Variants in MXI1 observed in about 807,000 individuals in gnomAD.
MXI1 encodes max-interacting protein 1.
Under a neutral mutation model 36.9 loss-of-function variants are expected in MXI1, and 18 were observed. The ratio of observed to expected loss-of-function variants is 0.49; its 90% CI spans 0.34 to 0.72. MXI1 has a LOEUF of 0.72. Ranked by LOEUF, MXI1 falls within the 30% of genes least tolerant of loss-of-function variation. MXI1 has a pLI of 0.01. For synonymous variants in MXI1, 160 were observed against 146.7 expected (o/e 1.09, Z -0.65); for missense variants, 304 against 379.1 (o/e 0.80, Z 1.64).
At chr10:110,253,129 TTTTTAC>T (rs1856158739) in intron 3 of MXI1, among the ~76,000 whole-genome samples, 1 of 152,128 alleles carries the variant, frequency 6.6e-6, no homozygotes, top group Middle Eastern at 3.2e-3. Context: ...ATGGTAAGCA[TTTTTAC>T]AAGGAAAAGA....
intron 1 of MXI1, among the ~76,000 whole-genome samples, chr10:110,219,993 G>C (rs7911398): frequency 0.045 from 6,922 of 152,260 alleles, 444 homozygotes; most frequent in East Asian, 0.28. Flanking sequence ...CAGTCATTGT[G>C]ACAATAAAAA....
intron 4 of MXI1, among the ~76,000 whole-genome samples, chr10:110,279,691 A>G (rs538169986): frequency 6.6e-6 from 1 of 152,368 alleles, no homozygotes; most frequent in East Asian, 1.9e-4. Context: ...CAAGTAACAT[A>G]GCATTCATTA....
chr10:110,278,290 A>T (rs1857107512), intron 3 of MXI1, among the ~76,000 whole-genome samples: 1 of 152,146 alleles, frequency 6.6e-6, no homozygotes, highest in Non-Finnish European at 1.5e-5. Context: ...TTTCTAGGAG[A>T]AATTTCCCTC....
intron 3 of MXI1, among the ~76,000 whole-genome samples, chr10:110,278,231 G>A (rs544597363): frequency 1.9e-4 from 29 of 152,316 alleles, no homozygotes; most frequent in African/African-American, 7.0e-4. Flanking sequence ...CATGATCATA[G>A]TTCTTTTAGG....
At chr10:110,277,727 A>C (rs1453891969) in intron 3 of MXI1, among the ~76,000 whole-genome samples, 2 of 152,212 alleles carry the variant, frequency 1.3e-5, no homozygotes, top group Non-Finnish European at 2.9e-5. Flanking sequence ...AAGAAATTTG[A>C]AATGGAAATA....
chr10:110,260,416 GGTGTGTGTGTGTGTGTGTGTGT>G (rs151334728), intron 3 of MXI1, among the ~76,000 whole-genome samples: 6 of 144,664 alleles, frequency 4.1e-5, no homozygotes, highest in East Asian at 2.0e-4. Context: ...CCTTGATACA[GGTGTGTGTGTGTGTGTGTGTGT>G]GTGTGTGTGT....
intron 1 of MXI1, chr10:110,227,253 G>T: frequency 1.3e-6 from 1 of 789,400 alleles, no homozygotes; most frequent in Non-Finnish European, 1.5e-6. Flanking sequence ...GGGGAGGGGC[G>T]TGTGCGGGAA....
intron 1 of MXI1, among the ~76,000 whole-genome samples, chr10:110,212,839 C>T (rs749368897): frequency 1.3e-5 from 2 of 152,172 alleles, no homozygotes; most frequent in Non-Finnish European, 1.5e-5. Context: ...TAATCAGTAC[C>T]ATGCACTTCT....
Position 110,211,298 on chromosome 10 carries a change from G to A in MXI1, c.274+3216G>A, listed in dbSNP as rs543001331. ...CCTAGCTGCGTCGTTCAGCCAATCG[G>A]CAGCTCCAGCCTCTTCTGACGTCAC... On this transcript the variant is annotated intron_variant, in intron 1 of 5. Coordinates refer to ENST00000332674, the MANE Select transcript of MXI1 (RefSeq NM_130439.3). Among the ~76,000 whole-genome samples the A allele has an allele frequency of 9.9e-5, 15 of 152,272 alleles. No individual in the cohort carries two copies. In the East Asian group the frequency reaches 2.7e-3, roughly 27 times the overall value.
rs187608792 is a variant in MXI1 at position 110,265,671 on chromosome 10, G to C, written c.438-13509G>C. 2.0e-5 allele frequency among the ~76,000 whole-genome samples: 3 copies of C among 152,312 alleles called. No individual in the cohort carries two copies. In the East Asian group the frequency reaches 5.8e-4, roughly 29 times the overall value. Reference sequence around the variant, plus strand: ...GCTCTGGAGGATTATAGTCTAGGTAGAAGACAAAAGATATTATAAGCTCCT... The same window carrying C: ...GCTCTGGAGGATTATAGTCTAGGTACAAGACAAAAGATATTATAAGCTCCT... On this transcript the variant is annotated intron_variant, in intron 3 of 5. Transcript: ENST00000332674.
intron 5 of MXI1, among the ~76,000 whole-genome samples, chr10:110,282,177 T>G (rs1857274047): frequency 6.6e-6 from 1 of 152,210 alleles, no homozygotes; most frequent in South Asian, 2.1e-4. Context: ...GGTTTTACTA[T>G]TTTTTGATTA....
intron 3 of MXI1, among the ~76,000 whole-genome samples, chr10:110,250,879 G>A (rs937941818): frequency 1.4e-5 from 2 of 147,782 alleles, no homozygotes; most frequent in African/African-American, 5.0e-5. Flanking sequence ...TGATGGTCAA[G>A]AACCTTAGTG....
chr10:110,215,204 G>A (rs1854607513), intron 1 of MXI1, among the ~76,000 whole-genome samples: 1 of 152,102 alleles, frequency 6.6e-6, no homozygotes, highest in South Asian at 2.1e-4. Context: ...ACCACGCCTG[G>A]CTAATTTTTG....
intron 1 of MXI1, 91 bp from the exon 2 acceptor site, chr10:110,228,098 A>C: frequency 2.1e-6 from 3 of 1,447,894 alleles, no homozygotes; most frequent in South Asian, 1.2e-5. Flanking sequence ...TGCTTTCAAA[A>C]ACCTGTTACT....
chr10:110,210,320 G>C (rs1193294786), intron 1 of MXI1: 1 of 983,346 alleles, frequency 1.0e-6, no homozygotes, highest in African/African-American at 1.8e-5. Flanking sequence ...CTTCATGTGC[G>C]TAATAAGTCC....
Position 110,286,951 on chromosome 10 carries a change from T to C in MXI1, c.*1964T>C, listed in dbSNP as rs1019380699. On this transcript the variant is annotated 3_prime_UTR_variant, in exon 6 of 6. Transcript: ENST00000332674. ...TTTTGTGGCCCAGGTAAATTATTTC[T>C]GGTTTCACTTATAATTACTAATGGC... 8.5e-5 allele frequency: 13 copies of C among 152,240 alleles called. No homozygotes were observed. The highest frequency in any genetic ancestry group is 5.2e-4 in the Admixed American group (8 of 15,284). 9.4% of individuals were successfully genotyped at this position (152,240 alleles called of 1,614,324 possible).
At chr10:110,231,007 A>G (rs1169423954) in intron 2 of MXI1, among the ~76,000 whole-genome samples, 1 of 152,226 alleles carries the variant, frequency 6.6e-6, no homozygotes, top group Non-Finnish European at 1.5e-5. Flanking sequence ...TAGCATCTTT[A>G]AGATATAATG....
intron 1 of MXI1, among the ~76,000 whole-genome samples, chr10:110,211,034 T>A (rs1054001297): frequency 6.6e-6 from 1 of 151,276 alleles, no homozygotes; most frequent in African/African-American, 2.4e-5. Context: ...TTTTAGTAGT[T>A]ATTATTGGGG....
rs554762111 is a variant in MXI1 at position 110,240,220 on chromosome 10, G to A, written c.408-4608G>A. ...GGCCAGTATGAATAGTTCTATACAA[G>A]CATTCTTTTGTATGTCCTTTGGTGA... On this transcript the variant is annotated intron_variant, in intron 2 of 5. Transcript: ENST00000332674. Among the ~76,000 whole-genome samples, 4 of 152,104 alleles carry A rather than the reference G, an allele frequency of 2.6e-5. No individual in the cohort carries two copies. In the East Asian group the frequency reaches 7.7e-4, roughly 29 times the overall value.
Sources: allele counts gnomAD v4.1 joint callset (sites outside exome capture counted in the v4.1 genomes callset), GRCh38; gene constraint gnomAD v4.1.1; transcripts MANE v1.5; gene names NCBI Gene and HGNC (gene_info 2026-07-23, HGNC 2026-07-21).